The following MAP2K5 variants were observed in gnomAD, a reference collection of about 807,000 sequenced individuals.
The protein encoded by MAP2K5 is dual specificity mitogen-activated protein kinase kinase 5.
MAP2K5 carries 49 observed loss-of-function variants against 83.1 expected under a neutral mutation model. That is an observed-to-expected ratio of 0.59 (90% CI 0.47 to 0.75). MAP2K5 has a LOEUF of 0.75. Among genes scored for constraint, MAP2K5 ranks in the 30% least tolerant of loss-of-function variants. The pLI is 0.00. For missense variants in MAP2K5, 457 were observed against 557.5 expected, an observed-to-expected ratio of 0.82 and a Z score of 1.82; for synonymous variants, 202 against 191.8, an observed-to-expected ratio of 1.05 and a Z score of -0.44.
Position 67,780,069 on chromosome 15 carries a change from TG to T in MAP2K5, c.1242+7318del, listed in dbSNP as rs2090304009. ...CTTTACAGTTGCTTGCTTCCTTCTCTGAAGCCCTTCAGCATGTATTGTGTCT... is the reference window on the plus strand; with the variant it reads ...CTTTACAGTTGCTTGCTTCCTTCTCTAAGCCCTTCAGCATGTATTGTGTCT... On this transcript the variant is annotated intron_variant, in intron 21 of 21. Transcript: ENST00000178640. This position sits in a 1 kb window ranked among gnomAD's most constrained non-coding sequence, Gnocchi z 5.0. Among the ~76,000 whole-genome samples, 1 of 152,220 alleles carries T rather than the reference TG, an allele frequency of 6.6e-6. No individual in the cohort carries two copies. Among genetic ancestry groups the T allele is most frequent in the South Asian group, 2.1e-4 (1 of 4,832 alleles).
At chr15:67,733,766 A>T (rs1566946045) in intron 17 of MAP2K5, among the ~76,000 whole-genome samples, 1 of 152,250 alleles carries the variant, frequency 6.6e-6, no homozygotes, top group Non-Finnish European at 1.5e-5. Flanking sequence ...ATACAAGTTA[A>T]ACATAGGTAG....
chr15:67,626,386 G>A (rs1016104603), intron 8 of MAP2K5, among the ~76,000 whole-genome samples: 6 of 152,074 alleles, frequency 3.9e-5, no homozygotes, highest in Admixed American at 1.3e-4. Context: ...AATTAGCCAG[G>A]TGTGGTGGTG....
At chr15:67,583,860 G>A (rs145975824) in intron 4 of MAP2K5, among the ~76,000 whole-genome samples, 4 of 152,030 alleles carry the variant, frequency 2.6e-5, no homozygotes, top group African/African-American at 4.8e-5. Flanking sequence ...CAGTTCTCTC[G>A]CCTCAGCTCC....
At chr15:67,650,772 G>C (rs2086933859) in intron 11 of MAP2K5, among the ~76,000 whole-genome samples, 2 of 152,062 alleles carry the variant, frequency 1.3e-5, no homozygotes. Context: ...ATTTATGAGG[G>C]ACATTGGTCT....
At chr15:67,788,247 C>T (rs939367652) in intron 21 of MAP2K5, among the ~76,000 whole-genome samples, 1 of 152,230 alleles carries the variant, frequency 6.6e-6, no homozygotes, top group Non-Finnish European at 1.5e-5. Flanking sequence ...CAGGCCTTCT[C>T]CCCTTTTTTT....
chr15:67,588,099 A>C (rs1038834251), intron 6 of MAP2K5: 18 of 985,214 alleles, frequency 1.8e-5, no homozygotes, highest in Non-Finnish European at 1.9e-5. Context: ...ACTGCTCTTC[A>C]TGCTTTCAAG....
chr15:67,799,445 A>G (rs1004809933), intron 21 of MAP2K5, among the ~76,000 whole-genome samples: 1 of 152,248 alleles, frequency 6.6e-6, no homozygotes, highest in African/African-American at 2.4e-5. Context: ...GGTCCTTACA[A>G]CCCACTCCGG....
chr15:67,611,703 G>A (rs1705363076), intron 8 of MAP2K5, among the ~76,000 whole-genome samples: 1 of 152,124 alleles, frequency 6.6e-6, no homozygotes, highest in Non-Finnish European at 1.5e-5. Flanking sequence ...ACCAAGTCAA[G>A]GATAAGATCA....
intron 6 of MAP2K5, among the ~76,000 whole-genome samples, chr15:67,591,068 TG>T (rs2085398042): frequency 6.6e-6 from 1 of 151,806 alleles, no homozygotes; most frequent in Admixed American, 6.6e-5. Context: ...TAGAGTTGGC[TG>T]GGTGTGGTGG....
intron 8 of MAP2K5, among the ~76,000 whole-genome samples, chr15:67,611,755 A>G (rs1383905393): frequency 2.0e-5 from 3 of 152,206 alleles, no homozygotes; most frequent in Non-Finnish European, 4.4e-5. Flanking sequence ...TCCTTTCCCA[A>G]TGCCATTCCT....
chr15:67,573,789 G>T lies in MAP2K5; in HGVS notation c.253-6965G>T, dbSNP rs767186413. Among the ~76,000 whole-genome samples, 6 of 152,148 alleles carry T rather than the reference G, an allele frequency of 3.9e-5. No homozygotes were observed. Among genetic ancestry groups the T allele is most frequent in the Non-Finnish European group, 7.3e-5 (5 of 68,032 alleles). ...AAAGCATTCTGAGTTTTGCTTTAAAGATAATATCTTTAAATAATAATATCT... is the reference window on the plus strand; with the variant it reads ...AAAGCATTCTGAGTTTTGCTTTAAATATAATATCTTTAAATAATAATATCT... On this transcript the variant is annotated intron_variant, in intron 3 of 21. Transcript: ENST00000178640. The surrounding 1 kb of genome is among the most constrained non-coding windows in gnomAD (Gnocchi z 4.2).
intron 9 of MAP2K5, among the ~76,000 whole-genome samples, chr15:67,639,265 A>G (rs1225367535): frequency 1.3e-5 from 2 of 152,022 alleles, no homozygotes; most frequent in Non-Finnish European, 1.5e-5. Flanking sequence ...TCCTTACACC[A>G]CTCTAATCCA....
Position 67,690,161 on chromosome 15 carries a change from T to C in MAP2K5, c.848-2318T>C, listed in dbSNP as rs972212008. ...GGACATCAATATGTAAAAGAACAAATTGTCCAAAAGAAAAATATTTAAAAC... is the reference window on the plus strand; with the variant it reads ...GGACATCAATATGTAAAAGAACAAACTGTCCAAAAGAAAAATATTTAAAAC... On this transcript the variant is annotated intron_variant, in intron 13 of 21. Transcript: ENST00000178640. The surrounding 1 kb of genome is among the most constrained non-coding windows in gnomAD (Gnocchi z 4.3). Among the ~76,000 whole-genome samples the C allele has an allele frequency of 2.6e-5, 4 of 152,150 alleles. No individual in the cohort carries two copies. The highest frequency in any genetic ancestry group is 9.7e-5 in the African/African-American group (4 of 41,424).
chr15:67,795,538 T>C (rs2090590183), intron 21 of MAP2K5, among the ~76,000 whole-genome samples: 1 of 152,226 alleles, frequency 6.6e-6, no homozygotes, highest in South Asian at 2.1e-4. Context: ...TTTTGTTATC[T>C]TGTGGTTATT....
chr15:67,599,889 C>G (rs2085616090), intron 7 of MAP2K5, among the ~76,000 whole-genome samples: 1 of 152,050 alleles, frequency 6.6e-6, no homozygotes, highest in African/African-American at 2.4e-5. Context: ...AGGGAGCTCT[C>G]TAAACTCTAA....
intron 9 of MAP2K5, among the ~76,000 whole-genome samples, chr15:67,634,339 G>C (rs528914435): frequency 1.7e-5 from 2 of 118,574 alleles, no homozygotes; most frequent in South Asian, 5.8e-4. Context: ...CTGCATTCTA[G>C]TCTGGGTGAC....
At chr15:67,564,818 G>T (rs2084806428) in intron 3 of MAP2K5, among the ~76,000 whole-genome samples, 1 of 152,168 alleles carries the variant, frequency 6.6e-6, no homozygotes, top group Non-Finnish European at 1.5e-5. Flanking sequence ...TATGTCCATT[G>T]CAGAGAACTG....
At chr15:67,718,472 T>C (rs533152007) in intron 16 of MAP2K5, among the ~76,000 whole-genome samples, 1 of 152,182 alleles carries the variant, frequency 6.6e-6, no homozygotes, top group East Asian at 1.9e-4. Context: ...TTTTAAAAAA[T>C]TTTTATGGGG....
In MAP2K5 at chr15:67,577,110, T is replaced by C. The variant is rs1452488266; in HGVS notation, c.253-3644T>C. Among the ~76,000 whole-genome samples, 4 of 151,024 alleles carry C rather than the reference T, an allele frequency of 2.6e-5. No individual in the cohort carries two copies. The highest frequency in any genetic ancestry group is 9.7e-5 in the African/African-American group (4 of 41,134). The stretch of plus-strand genomic sequence containing the variant: ...GCCACCGTGCCCGGCTAATTTTTTG[T>C]ATTTTTAGTAGAGACGGGGTTTCAC... On this transcript the variant is annotated intron_variant, in intron 3 of 21. Transcript: ENST00000178640. The surrounding 1 kb of genome is among the most constrained non-coding windows in gnomAD (Gnocchi z 4.1).
Sources: allele counts gnomAD v4.1 joint callset (sites outside exome capture counted in the v4.1 genomes callset), GRCh38; gene constraint gnomAD v4.1.1; non-coding constraint Gnocchi (gnomAD v3.1); transcripts MANE v1.5; gene names NCBI Gene and HGNC (gene_info 2026-07-23, HGNC 2026-07-21).